HTR3D: variants seen among roughly 807,000 people sequenced by gnomAD.
HTR3D encodes the protein 5-hydroxytryptamine receptor 3D.
In HTR3D, 47 loss-of-function variants were observed where a neutral mutation model predicts 45.8. The ratio of observed to expected loss-of-function variants is 1.03; its 90% CI spans 0.81 to 1.31. The LOEUF is 1.31. HTR3D is among the 50% of genes most tolerant of loss of function. The pLI, the probability that HTR3D is intolerant of heterozygous loss-of-function variation, is 0.00. For missense variants in HTR3D, 448 were observed against 506.9 expected (o/e 0.88, Z 1.12); for synonymous variants, 203 against 199.8 (o/e 1.02, Z -0.13).
chr3:184,036,923 T>C, intron 5 of HTR3D, 27 bp downstream of exon 5: 16 of 1,547,818 alleles, frequency 1.0e-5, no homozygotes, highest in Non-Finnish European at 1.4e-5. Flanking sequence ...AGACAAGGTT[T>C]CACCATGTTG....
At chr3:184,034,987 C>A in intron 1 of HTR3D, 191 bp from the exon 2 acceptor site, 6 of 1,306,226 alleles carry the variant, frequency 4.6e-6, no homozygotes, top group Non-Finnish European at 6.1e-6. Context: ...TCCCAATGGA[C>A]CTTCATACTG....
chr3:184,039,059 T>A lies in HTR3D; in HGVS notation c.*84T>A. 1 of 882,518 alleles carries A rather than the reference T, an allele frequency of 1.1e-6. No homozygotes were observed. Among genetic ancestry groups the A allele is most frequent in the Non-Finnish European group, 1.5e-6 (1 of 652,960 alleles). 54.7% of individuals were successfully genotyped at this position (882,518 alleles called of 1,614,324 possible). On this transcript the variant is annotated 3_prime_UTR_variant, in exon 8 of 8. Coordinates refer to ENST00000428798, the MANE Select transcript of HTR3D (RefSeq NM_001145143.1). ...CCAGTCAGGCTCTCAGTCAGCCTTG[T>A]GGCCCTGTCAACCGCCTCATTTTTA...
intron 4 of HTR3D, 32 bp downstream of exon 4, chr3:184,036,576 C>G (rs777384086): frequency 6.2e-7 from 1 of 1,612,154 alleles, no homozygotes; most frequent in Non-Finnish European, 8.5e-7. Flanking sequence ...TGTTGAGAGG[C>G]AGAGAAAGGG....
chr3:184,032,955 C>T (rs1374499927), intron 1 of HTR3D: 2 of 1,552,318 alleles, frequency 1.3e-6, no homozygotes, highest in Admixed American at 2.0e-5. Flanking sequence ...GTGGACCCTG[C>T]AGCCTTTCAA....
chr3:184,036,170 G>A, intron 3 of HTR3D, 70 bp downstream of exon 3: 13 of 1,504,538 alleles, frequency 8.6e-6, no homozygotes, highest in Non-Finnish European at 1.2e-5. Flanking sequence ...TACCGATAAG[G>A]CCACACAAAG....
At chr3:184,035,002 T>A (rs1722846341) in intron 1 of HTR3D, 176 bp from the exon 2 acceptor site, 2 of 1,420,242 alleles carry the variant, frequency 1.4e-6, no homozygotes, top group East Asian at 5.0e-5. Flanking sequence ...ATACTGTGTT[T>A]TTCATTTACA....
At chr3:184,031,995 CTT>C (rs3031482) in intron 1 of HTR3D, among the ~76,000 whole-genome samples, 188 bp downstream of exon 1, 12 of 129,614 alleles carry the variant, frequency 9.3e-5, no homozygotes, top group Admixed American at 8.1e-5. Context: ...CTTTTCTCTT[CTT>C]TTTTTTTTTT....
intron 5 of HTR3D, among the ~76,000 whole-genome samples, chr3:184,037,509 G>A (rs578190298): frequency 2.0e-5 from 3 of 152,270 alleles, no homozygotes; most frequent in Non-Finnish European, 4.4e-5. Flanking sequence ...TTTTTGGAAG[G>A]CAGGAATTTT....
rs1334231496 is a variant in HTR3D at position 184,039,255 on chromosome 3, C to A, written c.*280C>A. 2 of 353,880 alleles carry A rather than the reference C, an allele frequency of 5.7e-6. No homozygotes were observed. 21.9% of individuals were successfully genotyped at this position (353,880 alleles called of 1,614,324 possible). On this transcript the variant is annotated 3_prime_UTR_variant, in exon 8 of 8. Transcript: ENST00000428798. Reference sequence around the variant, plus strand: ...TCCTTGATTAAATCACCCCAATATGCCCCTTTGCAGAAAGTATTGGCTTTT... The same window carrying A: ...TCCTTGATTAAATCACCCCAATATGACCCTTTGCAGAAAGTATTGGCTTTT...
At chr3:184,032,794 C>A (rs778053843) in intron 1 of HTR3D, 2 of 1,442,248 alleles carry the variant, frequency 1.4e-6, no homozygotes, top group South Asian at 1.2e-5. Flanking sequence ...GAAGGAGGAG[C>A]TCACATGCTT....
In HTR3D at chr3:184,039,142, AGTCGG is replaced by A; in HGVS notation, c.*171_*175del. The A allele has an allele frequency of 1.4e-6, 1 of 717,630 alleles. No homozygotes were observed. The highest frequency in any genetic ancestry group is 3.0e-5 in the Admixed American group (1 of 33,864). The allele number at this position is 717,630 out of a possible 1,614,324, so 44.5% of individuals were successfully genotyped here. On this transcript the variant is annotated 3_prime_UTR_variant, in exon 8 of 8. Coordinates refer to ENST00000428798, the MANE Select transcript of HTR3D (RefSeq NM_001145143.1). ...TGAATAGTCTCCTATGCCCTCCAAA[AGTCGG>A]GTCCTTGCTCCTGCATGCCATCAGC...
chr3:184,037,092 T>G (rs1367927404), intron 5 of HTR3D, among the ~76,000 whole-genome samples, 196 bp downstream of exon 5: 3 of 150,746 alleles, frequency 2.0e-5, no homozygotes, highest in African/African-American at 7.3e-5. Flanking sequence ...CAGGCTGGAG[T>G]GCAATGACGT....
chr3:184,033,036 T>C (rs1722793399), intron 1 of HTR3D: 1 of 1,551,668 alleles, frequency 6.4e-7, no homozygotes, highest in African/African-American at 1.4e-5. Flanking sequence ...AACATCTCCT[T>C]CACCTTGTCT....
chr3:184,034,955 T>G, intron 1 of HTR3D: 1 of 1,035,450 alleles, frequency 9.7e-7, no homozygotes, highest in South Asian at 2.0e-5. Context: ...CTGTTCTTTT[T>G]GGAATACTTG....
At chr3:184,032,876 C>T (rs1310721953) in intron 1 of HTR3D, 3 of 1,552,004 alleles carry the variant, frequency 1.9e-6, no homozygotes, top group Admixed American at 2.0e-5. Context: ...CCTCCTCTCT[C>T]AGTCTCTGCT....
At chr3:184,035,251 C>T in intron 2 of HTR3D, 29 bp downstream of exon 2, 2 of 1,539,714 alleles carry the variant, frequency 1.3e-6, no homozygotes, top group South Asian at 2.4e-5. Flanking sequence ...CCCCTTTCCT[C>T]TACTCTGGTG....
At chr3:184,031,924 A>C in intron 1 of HTR3D, 117 bp downstream of exon 1, 1 of 717,058 alleles carries the variant, frequency 1.4e-6, no homozygotes, top group East Asian at 2.8e-5. Context: ...TATGGTAAAA[A>C]TGATGCTCGT....
chr3:184,036,149 G>A lies in HTR3D; in HGVS notation c.197+49G>A, dbSNP rs749891902. 908 of 1,527,486 alleles carry A rather than the reference G, an allele frequency of 5.9e-4. 1 individual carries two copies. The highest frequency in any genetic ancestry group is 7.5e-4 in the Non-Finnish European group (853 of 1,137,444). 94.6% of individuals were successfully genotyped at this position (1,527,486 alleles called of 1,614,324 possible). A position where few individuals can be genotyped will look rare whatever the true frequency, so the allele number is the denominator to read the frequency against. The stretch of plus-strand genomic sequence containing the variant: ...GAATGGAAACCACGTCTACAGGGAA[G>A]GACACAATGTTACCGATAAGGCCAC... On this transcript the variant is annotated intron_variant, in intron 3 of 7. Transcript: ENST00000428798.
Position 184,038,270 on chromosome 3 carries a change from C to T in HTR3D, c.766C>T (p.Arg256Ter), listed in dbSNP as rs187259526. 112 of 1,613,910 alleles carry T rather than the reference C, an allele frequency of 6.9e-5. No individual in the cohort carries two copies. The highest frequency in any genetic ancestry group is 3.3e-4 in the Middle Eastern group (2 of 6,060). ...VRPHPSRDQKRGVYFALCLSL... is the reference protein window; with the variant it reads ...VRPHPSRDQK The stretch of plus-strand genomic sequence containing the variant: ...TCCTCATCCATCAAGAGACCAAAAG[C>T]GAGGTGTGTGTTGGATGGGGAGAGG... Residue 256 changes from arginine (R) to a stop codon, truncating the protein, a stop_gained, in exon 6 of 8, where the codon CGA becomes TGA. Transcript: ENST00000428798. LOFTEE classifies it high-confidence loss of function. The surrounding 1 kb of genome is among the most constrained non-coding windows in gnomAD (Gnocchi z 4.5).
Sources: allele counts gnomAD v4.1 joint callset (sites outside exome capture counted in the v4.1 genomes callset), GRCh38; gene constraint gnomAD v4.1.1; non-coding constraint Gnocchi (gnomAD v3.1); transcripts MANE v1.5; gene names NCBI Gene and HGNC (gene_info 2026-07-23, HGNC 2026-07-21).